The following CNTN4 variants were observed in gnomAD, a reference collection of about 807,000 sequenced individuals.
CNTN4 encodes the protein contactin-4.
CNTN4 carries 77 observed loss-of-function variants against 122.5 expected under a neutral mutation model. That is an observed-to-expected ratio of 0.63 (90% CI 0.52 to 0.76). The LOEUF (loss-of-function observed/expected upper bound fraction) is 0.76, where lower values mean the gene tolerates loss of function less well. Ranked by LOEUF, CNTN4 falls within the 30% of genes least tolerant of loss-of-function variation. The pLI is 0.00. For synonymous variants in CNTN4, 512 were observed against 447.0 expected (o/e 1.15, Z -1.83); for missense variants, 1,256 against 1,259.1 (o/e 1.00, Z 0.04).
intron 3 of CNTN4, among the ~76,000 whole-genome samples, chr3:2,524,949 C>G (rs975665094): frequency 6.6e-6 from 1 of 152,102 alleles, no homozygotes; most frequent in African/African-American, 2.4e-5. Context: ...AAACTCTCAA[C>G]CTGTCTCTAA....
intron 7 of CNTN4, among the ~76,000 whole-genome samples, chr3:2,819,837 C>T (rs1005613235): frequency 1.3e-5 from 2 of 152,108 alleles, no homozygotes; most frequent in Non-Finnish European, 2.9e-5. Flanking sequence ...AATCATAATG[C>T]TGTTGCTTGG....
intron 3 of CNTN4, among the ~76,000 whole-genome samples, chr3:2,449,844 C>T (rs915412660): frequency 1.3e-5 from 2 of 152,082 alleles, no homozygotes; most frequent in East Asian, 3.9e-4. Context: ...AAGCCAGACA[C>T]AGGAGTCCAA....
chr3:2,991,810 G>A (rs184710424), intron 14 of CNTN4, among the ~76,000 whole-genome samples: 14 of 152,200 alleles, frequency 9.2e-5, no homozygotes, highest in Admixed American at 3.3e-4. Context: ...AGCTTAGCCC[G>A]AAATATGACT....
At chr3:2,432,515 C>T (rs2048110225) in intron 3 of CNTN4, among the ~76,000 whole-genome samples, 1 of 151,978 alleles carries the variant, frequency 6.6e-6, no homozygotes, top group African/African-American at 2.4e-5. Flanking sequence ...GAGACTTCAG[C>T]ATTAGAAAGA....
chr3:2,293,636 GTTA>G (rs552664310), intron 2 of CNTN4, among the ~76,000 whole-genome samples: 1 of 152,170 alleles, frequency 6.6e-6, no homozygotes, highest in Non-Finnish European at 1.5e-5. Flanking sequence ...TGTGTTGGCT[GTTA>G]TTATTACTAA....
chr3:2,460,039 A>T (rs986271238), intron 3 of CNTN4, among the ~76,000 whole-genome samples: 1 of 152,080 alleles, frequency 6.6e-6, no homozygotes, highest in Non-Finnish European at 1.5e-5. Flanking sequence ...GTTGCATCTT[A>T]TCTGGCCATC....
chr3:2,307,478 T>C (rs1263220802), intron 2 of CNTN4, among the ~76,000 whole-genome samples: 1 of 152,080 alleles, frequency 6.6e-6, no homozygotes, highest in African/African-American at 2.4e-5. Flanking sequence ...CTTGTCTTCT[T>C]TTTGATCTCA....
At chr3:2,181,280 C>T (rs1028317252) in intron 2 of CNTN4, among the ~76,000 whole-genome samples, 4 of 151,806 alleles carry the variant, frequency 2.6e-5, no homozygotes, top group African/African-American at 9.7e-5. Flanking sequence ...TTTTAGAAGC[C>T]CCCAAATGTT....
At chr3:3,035,965 T>G (rs1699567193) in intron 17 of CNTN4, among the ~76,000 whole-genome samples, 1 of 152,138 alleles carries the variant, frequency 6.6e-6, no homozygotes, top group Non-Finnish European at 1.5e-5. Context: ...AACACTTCCA[T>G]CCTGTTTCCC....
intron 4 of CNTN4, among the ~76,000 whole-genome samples, chr3:2,672,965 T>G (rs2084621683): frequency 6.6e-6 from 1 of 152,210 alleles, no homozygotes; most frequent in Non-Finnish European, 1.5e-5. Context: ...TGCATTGCAA[T>G]TTGATAACTA....
At chr3:2,155,208 T>C (rs1465892132) in intron 2 of CNTN4, among the ~76,000 whole-genome samples, 1 of 152,206 alleles carries the variant, frequency 6.6e-6, no homozygotes, top group African/African-American at 2.4e-5. Context: ...TCTCTGTCTC[T>C]CTCTATTCCA....
intron 2 of CNTN4, among the ~76,000 whole-genome samples, chr3:2,143,299 T>G (rs2035090932): frequency 6.6e-6 from 1 of 152,234 alleles, no homozygotes; most frequent in African/African-American, 2.4e-5. Context: ...ACAAATATTC[T>G]GGTGGCTAAT....
At chr3:3,028,843 T>C (rs1326895588) in intron 15 of CNTN4, among the ~76,000 whole-genome samples, 1 of 151,852 alleles carries the variant, frequency 6.6e-6, no homozygotes, top group Admixed American at 6.6e-5. Context: ...GCTGTATGGG[T>C]CTACTTATAT....
intron 3 of CNTN4, among the ~76,000 whole-genome samples, chr3:2,423,061 C>A (rs1018292870): frequency 1.3e-5 from 2 of 152,250 alleles, no homozygotes; most frequent in East Asian, 3.9e-4. Context: ...GTGGAATGAA[C>A]TTAGAATGAA....
At chr3:2,886,080 A>G (rs1291592000) in intron 9 of CNTN4, among the ~76,000 whole-genome samples, 1 of 152,188 alleles carries the variant, frequency 6.6e-6, no homozygotes, top group Non-Finnish European at 1.5e-5. Flanking sequence ...AAGCGCTACC[A>G]GATTCAAGGG....
chr3:3,041,214 A>C (rs1377738020), intron 20 of CNTN4: 1 of 152,226 alleles, frequency 6.6e-6, no homozygotes, highest in Non-Finnish European at 1.5e-5. Flanking sequence ...TCCCAATCAG[A>C]GAGATCATCC....
At chr3:2,182,890 G>A (rs568849546) in intron 2 of CNTN4, among the ~76,000 whole-genome samples, 1 of 151,656 alleles carries the variant, frequency 6.6e-6, no homozygotes, top group East Asian at 1.9e-4. Flanking sequence ...CCTAACAGCA[G>A]GTGCTCTCTT....
chr3:2,397,766 A>G (rs1159955034), intron 3 of CNTN4, among the ~76,000 whole-genome samples: 1 of 152,206 alleles, frequency 6.6e-6, no homozygotes, highest in Non-Finnish European at 1.5e-5. Context: ...AGCCATTCTA[A>G]GAGATTATTT....
At chr3:2,849,413 T>G (rs2093509572) in intron 7 of CNTN4, among the ~76,000 whole-genome samples, 1 of 152,150 alleles carries the variant, frequency 6.6e-6, no homozygotes, top group South Asian at 2.1e-4. Flanking sequence ...ATGGTAAACT[T>G]TTATATGTAT....
Sources: allele counts gnomAD v4.1 joint callset (sites outside exome capture counted in the v4.1 genomes callset), GRCh38; gene constraint gnomAD v4.1.1; transcripts MANE v1.5; gene names NCBI Gene and HGNC (gene_info 2026-07-23, HGNC 2026-07-21).